Variants in SORCS3 observed in about 807,000 individuals in gnomAD.
SORCS3 encodes the protein sortilin related VPS10 domain containing receptor 3.
Under a neutral mutation model 146.3 loss-of-function variants are expected in SORCS3, and 57 were observed. The ratio of observed to expected loss-of-function variants is 0.39; its 90% CI spans 0.31 to 0.49. The LOEUF is 0.49. Ranked by LOEUF, SORCS3 falls within the 20% of genes least tolerant of loss-of-function variation. The probability of loss-of-function intolerance (pLI) is 0.92; values close to 1 mark genes in which losing one functional copy is unlikely to be tolerated. For missense variants in SORCS3, 1,341 were observed against 1,575.5 expected (o/e 0.85, Z 2.52); for synonymous variants, 653 against 618.5 (o/e 1.06, Z -0.83).
chr10:104,849,193 C>G (rs562335699), intron 2 of SORCS3, among the ~76,000 whole-genome samples: 2 of 152,012 alleles, frequency 1.3e-5, no homozygotes, highest in African/African-American at 4.8e-5. Flanking sequence ...GGTGGATTAC[C>G]TGAGGTCAGG....
intron 11 of SORCS3, among the ~76,000 whole-genome samples, chr10:105,159,579 G>A (rs960103659): frequency 3.3e-5 from 5 of 152,196 alleles, no homozygotes; most frequent in African/African-American, 4.8e-5. Context: ...TAAAGTCTCC[G>A]GGGAGTATGC....
At chr10:104,814,150 T>A (rs1220742781) in intron 1 of SORCS3, among the ~76,000 whole-genome samples, 1 of 152,034 alleles carries the variant, frequency 6.6e-6, no homozygotes, top group East Asian at 1.9e-4. Flanking sequence ...GTGTTTGGAG[T>A]CTCAAGACAC....
intron 1 of SORCS3, among the ~76,000 whole-genome samples, chr10:104,753,308 TAA>T (rs1424366899): frequency 1.3e-5 from 2 of 152,196 alleles, no homozygotes; most frequent in African/African-American, 4.8e-5. Context: ...TGAGAAAGGT[TAA>T]GTGATATTTA....
chr10:105,057,976 G>A lies in SORCS3; in HGVS notation c.1028+14848G>A, dbSNP rs369743483. On this transcript the variant is annotated intron_variant, in intron 5 of 26. Coordinates refer to ENST00000369701, the MANE Select transcript of SORCS3 (RefSeq NM_014978.3). ...TTCTGCTGTTTGAAAAGACAATCTG[G>A]ATGATGGATTAGGGGCTTGTCCCAC... is the stretch of plus-strand genomic sequence containing the variant. Among the ~76,000 whole-genome samples the A allele has an allele frequency of 2.0e-5, 3 of 152,242 alleles. No individual in the cohort carries two copies. In the East Asian group the frequency reaches 5.8e-4, roughly 29 times the overall value.
At chr10:104,662,063 G>T (rs989323425) in intron 1 of SORCS3, among the ~76,000 whole-genome samples, 3 of 152,186 alleles carry the variant, frequency 2.0e-5, no homozygotes, top group Admixed American at 2.0e-4. Flanking sequence ...GTGATGAAGA[G>T]AAGTTAGATT....
chr10:104,759,615 C>G (rs1410633573), intron 1 of SORCS3, among the ~76,000 whole-genome samples: 1 of 151,818 alleles, frequency 6.6e-6, no homozygotes, highest in Non-Finnish European at 1.5e-5. Context: ...CTTTTTTTGC[C>G]CAAGTTTTAT....
chr10:104,836,881 A>T (rs2018075204), intron 1 of SORCS3, among the ~76,000 whole-genome samples: 1 of 151,902 alleles, frequency 6.6e-6, no homozygotes, highest in Admixed American at 6.6e-5. Flanking sequence ...ACCCCTGTCC[A>T]ATTTAAAAAG....
intron 1 of SORCS3, among the ~76,000 whole-genome samples, chr10:104,810,231 AAGAAATT>A (rs1161604456): frequency 2.0e-5 from 3 of 152,232 alleles, no homozygotes; most frequent in Non-Finnish European, 4.4e-5. Context: ...TATCTGTTGT[AAGAAATT>A]AGAAAATCTG....
intron 14 of SORCS3, among the ~76,000 whole-genome samples, chr10:105,190,682 G>A (rs1204788184): frequency 3.9e-5 from 6 of 152,122 alleles, no homozygotes; most frequent in Admixed American, 2.6e-4. Context: ...GATTTCAGGC[G>A]TGAGCCACTG....
intron 1 of SORCS3, among the ~76,000 whole-genome samples, chr10:104,827,099 C>T (rs1178368553): frequency 2.0e-5 from 3 of 152,106 alleles, no homozygotes; most frequent in African/African-American, 7.2e-5. Flanking sequence ...AGTCTTAAAC[C>T]CCTCAAACTT....
chr10:105,171,317 A>G (rs1564774484), intron 13 of SORCS3, among the ~76,000 whole-genome samples: 1 of 152,204 alleles, frequency 6.6e-6, no homozygotes, highest in African/African-American at 2.4e-5. Flanking sequence ...ACTAAGTGCT[A>G]TTTCAGGGAA....
chr10:105,260,788 G>A (rs1290670389), intron 25 of SORCS3, among the ~76,000 whole-genome samples: 3 of 152,160 alleles, frequency 2.0e-5, no homozygotes, highest in African/African-American at 7.2e-5. Flanking sequence ...TGCATGGGAT[G>A]TCCTGGATTA....
At chr10:105,001,571 C>A (rs1437335349) in intron 4 of SORCS3, among the ~76,000 whole-genome samples, 1 of 152,080 alleles carries the variant, frequency 6.6e-6, no homozygotes, top group East Asian at 1.9e-4. Flanking sequence ...CTTTCCATTG[C>A]AAAACTTATG....
chr10:104,960,339 T>C (rs532114215), intron 3 of SORCS3, among the ~76,000 whole-genome samples: 42 of 152,276 alleles, frequency 2.8e-4, no homozygotes, highest in African/African-American at 1.0e-3. Flanking sequence ...TTTTAGTTCA[T>C]TATCTGTTGC....
chr10:105,153,654 T>C (rs1323475528), intron 9 of SORCS3, among the ~76,000 whole-genome samples: 1 of 151,696 alleles, frequency 6.6e-6, no homozygotes, highest in African/African-American at 2.4e-5. Flanking sequence ...TATGTGTGTG[T>C]GTGTGTGTGT....
chr10:104,771,962 G>GT (rs1387739107), intron 1 of SORCS3, among the ~76,000 whole-genome samples: 3 of 152,080 alleles, frequency 2.0e-5, no homozygotes, highest in African/African-American at 7.2e-5. Context: ...TCCTTGAAAG[G>GT]TTTTTTGGGG....
chr10:105,076,275 A>G (rs930207357), intron 5 of SORCS3, among the ~76,000 whole-genome samples: 2 of 152,216 alleles, frequency 1.3e-5, no homozygotes, highest in Non-Finnish European at 2.9e-5. Context: ...CCACTGGACT[A>G]TAGAAGAGAC....
At chr10:104,665,644 C>T (rs1239177351) in intron 1 of SORCS3, 2 of 152,206 alleles carry the variant, frequency 1.3e-5, no homozygotes, top group Non-Finnish European at 2.9e-5. Context: ...ATTCCTTTTC[C>T]AAGGTTGGGC....
At chr10:105,193,618 T>G (rs559941276) in intron 14 of SORCS3, among the ~76,000 whole-genome samples, 13 of 152,334 alleles carry the variant, frequency 8.5e-5, no homozygotes, top group African/African-American at 2.6e-4. Context: ...GTAGGCTATT[T>G]CTGCAACTCA....
Sources: gnomAD v4.1 joint callset for allele counts (sites outside exome capture counted in the v4.1 genomes callset) on GRCh38, gnomAD v4.1.1 for gene constraint, MANE v1.5 for transcripts, NCBI Gene and HGNC (gene_info 2026-07-23, HGNC 2026-07-21) for gene names.